Variants in HHAT observed in about 807,000 individuals in gnomAD.
HHAT encodes hedgehog acyltransferase.
HHAT carries 47 observed loss-of-function variants against 70.8 expected under a neutral mutation model. That is an observed-to-expected ratio of 0.66 (90% CI 0.53 to 0.85). HHAT has a LOEUF of 0.85. Among genes scored for constraint, HHAT ranks in the 40% least tolerant of loss-of-function variants. The pLI, the probability that HHAT is intolerant of heterozygous loss-of-function variation, is 0.00. For missense variants in HHAT, 609 were observed against 604.8 expected (o/e 1.01, Z -0.07); for synonymous variants, 228 against 247.6 (o/e 0.92, Z 0.74).
At chr1:210,357,020 G>A (rs1217292565) in intron 2 of HHAT, among the ~76,000 whole-genome samples, 1 of 152,238 alleles carries the variant, frequency 6.6e-6, no homozygotes, top group African/African-American at 2.4e-5. Context: ...TTAACAGTGA[G>A]TGTTGTGGAA....
chr1:210,637,987 G>A (rs1218833361), intron 11 of HHAT, among the ~76,000 whole-genome samples: 8 of 152,066 alleles, frequency 5.3e-5, no homozygotes, highest in African/African-American at 1.4e-4. Context: ...CATTAAAACC[G>A]CAATAAGATA....
intron 8 of HHAT, among the ~76,000 whole-genome samples, chr1:210,493,012 A>G (rs2094575296): frequency 6.6e-6 from 1 of 152,020 alleles, no homozygotes. Context: ...TTTTTCTACT[A>G]ATGCCTTCAA....
chr1:210,674,217 A>T, intron 11 of HHAT, 71 bp from the exon 12 acceptor site: 1 of 1,289,048 alleles, frequency 7.8e-7, no homozygotes, highest in South Asian at 1.2e-5. Context: ...AAAAGGGGAC[A>T]GTTTGCCCAT....
At chr1:210,357,176 C>G (rs2087724848) in intron 2 of HHAT, among the ~76,000 whole-genome samples, 1 of 152,206 alleles carries the variant, frequency 6.6e-6, no homozygotes, top group Non-Finnish European at 1.5e-5. Context: ...TAGCCTATCC[C>G]TTCCTCCTTG....
intron 10 of HHAT, among the ~76,000 whole-genome samples, chr1:210,615,288 C>G (rs1667454422): frequency 6.6e-6 from 1 of 152,094 alleles, no homozygotes; most frequent in Admixed American, 6.6e-5. Flanking sequence ...TGTTTGAGTT[C>G]TTGTAAATTT....
intron 2 of HHAT, among the ~76,000 whole-genome samples, chr1:210,361,842 C>T (rs2148020596): frequency 6.6e-6 from 1 of 152,254 alleles, no homozygotes; most frequent in East Asian, 1.9e-4. Flanking sequence ...CTTTGAGCTC[C>T]ACCCGCATCC....
chr1:210,536,959 G>A (rs2148650770), intron 9 of HHAT, among the ~76,000 whole-genome samples: 1 of 152,056 alleles, frequency 6.6e-6, no homozygotes, highest in African/African-American at 2.4e-5. Flanking sequence ...GAGGGGAATT[G>A]CACTTGGTTG....
At chr1:210,448,360 A>G (rs1261053293) in intron 7 of HHAT, among the ~76,000 whole-genome samples, 1 of 152,128 alleles carries the variant, frequency 6.6e-6, no homozygotes, top group Non-Finnish European at 1.5e-5. Context: ...GGGATTACAG[A>G]CGTGAGCCAC....
At chr1:210,638,944 T>C (rs1672466253) in intron 11 of HHAT, among the ~76,000 whole-genome samples, 1 of 152,030 alleles carries the variant, frequency 6.6e-6, no homozygotes, top group African/African-American at 2.4e-5. Flanking sequence ...AAAATGATTG[T>C]GGTGATGGTT....
At chr1:210,379,060 G>A (rs950225594) in intron 3 of HHAT, among the ~76,000 whole-genome samples, 1 of 152,008 alleles carries the variant, frequency 6.6e-6, no homozygotes, top group African/African-American at 2.4e-5. Context: ...GGCACTAAGT[G>A]AGCTACCAGA....
chr1:210,579,055 C>T (rs909143358), intron 9 of HHAT, among the ~76,000 whole-genome samples: 1 of 152,100 alleles, frequency 6.6e-6, no homozygotes. Flanking sequence ...AAACGGAAAA[C>T]CACACACTGC....
At chr1:210,645,975 C>T (rs949573410) in intron 11 of HHAT, among the ~76,000 whole-genome samples, 1 of 152,158 alleles carries the variant, frequency 6.6e-6, no homozygotes. Context: ...TGCTGCTTCA[C>T]CCTGCAGTTC....
intron 9 of HHAT, among the ~76,000 whole-genome samples, chr1:210,553,571 C>T (rs2095546396): frequency 6.6e-6 from 1 of 152,220 alleles, no homozygotes; most frequent in South Asian, 2.1e-4. Flanking sequence ...GTTTCATAGC[C>T]TCCTGAAGGT....
At chr1:210,491,390 A>G (rs937212991) in intron 8 of HHAT, among the ~76,000 whole-genome samples, 5 of 152,134 alleles carry the variant, frequency 3.3e-5, no homozygotes, top group African/African-American at 9.7e-5. Context: ...GCAAACTCCT[A>G]TGAGGAGCAA....
intron 11 of HHAT, among the ~76,000 whole-genome samples, chr1:210,647,270 T>G (rs1407075670): frequency 6.6e-6 from 1 of 152,226 alleles, no homozygotes; most frequent in Non-Finnish European, 1.5e-5. Flanking sequence ...GGGCCTATCT[T>G]CATTGAATGT....
intron 11 of HHAT, among the ~76,000 whole-genome samples, chr1:210,653,139 A>ATACC (rs1356822629): frequency 6.6e-6 from 1 of 152,158 alleles, no homozygotes; most frequent in Non-Finnish European, 1.5e-5. Context: ...TTATACATAC[A>ATACC]TACATACATA....
At chr1:210,328,845 G>A (rs975336609), upstream of HHAT, 4 of 424,808 alleles carry the variant, frequency 9.4e-6, no homozygotes, top group African/African-American at 6.2e-5. Flanking sequence ...AGCACGGCCT[G>A]CTCGCCATCG....
chr1:210,585,817 A>G (rs1660314791), intron 9 of HHAT, among the ~76,000 whole-genome samples: 1 of 152,124 alleles, frequency 6.6e-6, no homozygotes, highest in Non-Finnish European at 1.5e-5. Context: ...AAACATTGGG[A>G]AATAGGAGGA....
intron 3 of HHAT, among the ~76,000 whole-genome samples, chr1:210,376,960 T>C (rs2090274066): frequency 6.6e-6 from 1 of 152,224 alleles, no homozygotes; most frequent in African/African-American, 2.4e-5. Flanking sequence ...CTCCAACATT[T>C]TGGGACTCCA....
Sources: gnomAD v4.1 joint callset for allele counts (sites outside exome capture counted in the v4.1 genomes callset) on GRCh38, gnomAD v4.1.1 for gene constraint, MANE v1.5 for transcripts, NCBI Gene and HGNC (gene_info 2026-07-23, HGNC 2026-07-21) for gene names.